ANKFN1: variants seen among roughly 807,000 people sequenced by gnomAD.
The protein encoded by ANKFN1 is ankyrin repeat and fibronectin type III domain containing 1, also known as ankyrin repeat and fibronectin type-III domain-containing protein 1.
ANKFN1 carries 74 observed loss-of-function variants against 108.7 expected under a neutral mutation model. The observed-to-expected ratio is 0.68, with a 90% confidence interval of 0.56 to 0.83. The LOEUF (loss-of-function observed/expected upper bound fraction) is 0.83. Ranked by LOEUF, ANKFN1 falls within the 40% of genes least tolerant of loss-of-function variation. ANKFN1 has a pLI of 0.00. For synonymous variants in ANKFN1, 547 were observed against 516.2 expected, an observed-to-expected ratio of 1.06 and a Z score of -0.81; for missense variants, 1,505 against 1,382.3, an observed-to-expected ratio of 1.09 and a Z score of -1.41.
At chr17:56,448,543 C>A (rs897018246) in intron 10 of ANKFN1, among the ~76,000 whole-genome samples, 2 of 152,168 alleles carry the variant, frequency 1.3e-5, no homozygotes, top group African/African-American at 4.8e-5. Context: ...TTCATTAGAG[C>A]AAAATGTAGA....
At chr17:56,477,437 C>T in intron 15 of ANKFN1, 51 bp from the exon 16 acceptor site, 1 of 1,477,152 alleles carries the variant, frequency 6.8e-7, no homozygotes, top group African/African-American at 1.4e-5. Flanking sequence ...TTGAGATTGC[C>T]CTTCGAGTTG....
intron 4 of ANKFN1, among the ~76,000 whole-genome samples, chr17:56,090,617 T>C (rs1312774448): frequency 6.6e-6 from 1 of 151,234 alleles, no homozygotes; most frequent in Non-Finnish European, 1.5e-5. Context: ...AAGTGTTGCT[T>C]ATTTTTTCAG....
Position 56,268,719 on chromosome 17 carries a change from T to A in ANKFN1, c.53+40762T>A, listed in dbSNP as rs143914987. Among the ~76,000 whole-genome samples, 285 of 152,112 alleles carry A rather than the reference T, an allele frequency of 1.9e-3. 2 individuals are homozygous for A. Among genetic ancestry groups the A allele is most frequent in the East Asian group, 0.014 (71 of 5,176 alleles). ...AAAAGTTTTTTTTTTTCCAAATACATCTTGTTTCCACAGACAAGACTGTAA... is the reference window on the plus strand; with the variant it reads ...AAAAGTTTTTTTTTTTCCAAATACAACTTGTTTCCACAGACAAGACTGTAA... On this transcript the variant is annotated intron_variant, in intron 3 of 20. Transcript: ENST00000682825.
chr17:56,141,948 T>A (rs529705393), intron 4 of ANKFN1, among the ~76,000 whole-genome samples: 2 of 144,180 alleles, frequency 1.4e-5, no homozygotes, highest in East Asian at 4.0e-4. Context: ...TTTTTTTTTT[T>A]GAGATGGAGT....
intron 3 of ANKFN1, among the ~76,000 whole-genome samples, chr17:56,233,490 A>T (rs1031350863): frequency 6.6e-6 from 1 of 152,112 alleles, no homozygotes; most frequent in African/African-American, 2.4e-5. Context: ...CATTTTGAGT[A>T]ACAACTCAAA....
At chr17:56,404,815 A>C (rs1441086719) in intron 8 of ANKFN1, among the ~76,000 whole-genome samples, 1 of 152,180 alleles carries the variant, frequency 6.6e-6, no homozygotes, top group Non-Finnish European at 1.5e-5. Context: ...TCTAGGGCTG[A>C]AGGCTGTTGT....
chr17:56,231,586 A>G (rs985891271), intron 3 of ANKFN1, among the ~76,000 whole-genome samples: 1 of 152,184 alleles, frequency 6.6e-6, no homozygotes, highest in Non-Finnish European at 1.5e-5. Flanking sequence ...ATATCAAAAC[A>G]GTCCTCTGTT....
In ANKFN1 at chr17:56,055,568, T is replaced by C. The variant is rs180774642; in HGVS notation, c.288+9243T>C. Among the ~76,000 whole-genome samples, 166 of 96,648 alleles carry C rather than the reference T, an allele frequency of 1.7e-3. 3 individuals carry two copies. Among genetic ancestry groups the C allele is most frequent in the African/African-American group, 0.011 (163 of 15,168 alleles). 63.4% of individuals were successfully genotyped at this position (96,648 alleles called of 152,430 possible). ...TATGTGTGTGTGTGGTATATATACATATATATATATATATATATATGTATA... is the reference window on the plus strand; with the variant it reads ...TATGTGTGTGTGTGGTATATATACACATATATATATATATATATATGTATA... On this transcript the variant is annotated intron_variant, in intron 4 of 12. Transcript: ENST00000635860.
intron 4 of ANKFN1, among the ~76,000 whole-genome samples, chr17:56,058,973 T>C (rs940456629): frequency 5.3e-5 from 8 of 152,216 alleles, no homozygotes; most frequent in Admixed American, 3.3e-4. Context: ...CTGGGTCAAA[T>C]GGTATTTCTG....
Position 56,492,330 on chromosome 17 carries a change from C to G in ANKFN1, c.2404C>G (p.Gln802Glu). 2 of 702,316 alleles carry G rather than the reference C, an allele frequency of 2.8e-6. No individual in the cohort carries two copies. Among genetic ancestry groups the G allele is most frequent in the Non-Finnish European group, 5.2e-6 (2 of 384,572 alleles). The allele number at this position is 702,316 out of a possible 1,614,324, so 43.5% of individuals were successfully genotyped here. Residue 802 changes from glutamine to glutamate, a missense_variant, in exon 19 of 21, where the codon CAG (glutamine) becomes GAG (glutamate). Physicochemically the swap from Gln to Glu is conservative, Grantham distance 29 (BLOSUM62 2). Coordinates refer to ENST00000682825, the MANE Select transcript of ANKFN1 (RefSeq NM_001370326.1). ...GGTTGCAGCTGCCAAACAAAGACAC[C>G]AGCAAGTTTTAGATTTCATTCAGGT... is the stretch of plus-strand genomic sequence containing the variant. ...SEVAAAKQRH[Q>E]QVLDFIQQID...
At chr17:56,063,985 T>C (rs771024186) in intron 4 of ANKFN1, among the ~76,000 whole-genome samples, 6 of 152,324 alleles carry the variant, frequency 3.9e-5, no homozygotes, top group Middle Eastern at 3.4e-3. Context: ...TTTCTTTCAA[T>C]GGCCAGGTCC....
chr17:56,230,024 T>C (rs1323075181), intron 3 of ANKFN1, among the ~76,000 whole-genome samples: 1 of 152,146 alleles, frequency 6.6e-6, no homozygotes. Context: ...GTCCTAATGA[T>C]GATTGTATTA....
intron 1 of ANKFN1, chr17:56,207,016 G>C (rs1487036427): frequency 6.6e-6 from 1 of 152,216 alleles, no homozygotes; most frequent in African/African-American, 2.4e-5. Context: ...AGAGCAGAGT[G>C]CCCCAAGAGG....
At chr17:56,467,783 G>GAAAGAAAGAAAGAAAGAAAGAA (rs2050145430) in intron 15 of ANKFN1, among the ~76,000 whole-genome samples, 3 of 22,866 alleles carry the variant, frequency 1.3e-4, no homozygotes, top group African/African-American at 2.5e-4. Flanking sequence ...AAGAAAGAAA[G>GAAAGAAAGAAAGAAAGAAAGAA]AAAGAAAGAA....
At chr17:56,297,717 T>G (rs1165774732) in intron 3 of ANKFN1, among the ~76,000 whole-genome samples, 1 of 152,136 alleles carries the variant, frequency 6.6e-6, no homozygotes, top group Non-Finnish European at 1.5e-5. Context: ...AAATGCAAAA[T>G]AACCATAAGA....
At chr17:56,302,483 C>T (rs1360543110) in intron 3 of ANKFN1, among the ~76,000 whole-genome samples, 2 of 147,652 alleles carry the variant, frequency 1.4e-5, no homozygotes, top group Non-Finnish European at 3.0e-5. Context: ...TCACTGCACT[C>T]CAGCCTGGAC....
intron 8 of ANKFN1, among the ~76,000 whole-genome samples, chr17:56,393,231 A>C (rs779453644): frequency 2.6e-5 from 4 of 152,086 alleles, no homozygotes; most frequent in African/African-American, 9.7e-5. Context: ...AACTCTTCCT[A>C]CCTAACATCA....
chr17:56,401,037 T>A (rs1432707447), intron 8 of ANKFN1, among the ~76,000 whole-genome samples: 2 of 152,194 alleles, frequency 1.3e-5, no homozygotes, highest in East Asian at 3.8e-4. Flanking sequence ...TCCAGATTTA[T>A]TCTTTTTGCT....
At chr17:56,239,296 A>G (rs895767653) in intron 3 of ANKFN1, among the ~76,000 whole-genome samples, 2 of 152,160 alleles carry the variant, frequency 1.3e-5, no homozygotes, top group African/African-American at 4.8e-5. Context: ...GTTAGATAGA[A>G]GGGAAAAGAT....
Sources: gnomAD v4.1 joint callset for allele counts (sites outside exome capture counted in the v4.1 genomes callset) on GRCh38, gnomAD v4.1.1 for gene constraint, MANE v1.5 for transcripts, NCBI Gene and HGNC (gene_info 2026-07-23, HGNC 2026-07-21) for gene names.